CACNA1I: variants seen among roughly 807,000 people sequenced by gnomAD.
CACNA1I encodes calcium voltage-gated channel subunit alpha1 I, also known as voltage-dependent T-type calcium channel subunit alpha-1I.
Under a neutral mutation model 201.6 loss-of-function variants are expected in CACNA1I, and 74 were observed. The observed-to-expected ratio is 0.37, with a 90% CI of 0.30 to 0.45. The LOEUF (loss-of-function observed/expected upper bound fraction) is 0.45. CACNA1I is among the 20% of genes least tolerant of loss of function. The probability of loss-of-function intolerance (pLI) is 1.00; values close to 1 mark genes in which losing one functional copy is unlikely to be tolerated. For missense variants in CACNA1I, 2,346 were observed against 3,138.1 expected, an observed-to-expected ratio of 0.75 and a Z score of 6.03; for synonymous variants, 1,431 against 1,345.2, an observed-to-expected ratio of 1.06 and a Z score of -1.40.
At chr22:39,612,084 C>A (rs190063773) in intron 3 of CACNA1I, among the ~76,000 whole-genome samples, 16 of 152,276 alleles carry the variant, frequency 1.1e-4, no homozygotes, top group Admixed American at 5.9e-4. Flanking sequence ...TAAGAAGTGA[C>A]CAGGTCATGA....
At chr22:39,674,690 G>C (rs781541573) in intron 29 of CACNA1I, among the ~76,000 whole-genome samples, 4 of 152,030 alleles carry the variant, frequency 2.6e-5, no homozygotes, top group Non-Finnish European at 5.9e-5. Context: ...ACTGCTTGAG[G>C]CTCCCCTTCC....
chr22:39,589,638 AC>A (rs1731136383), intron 1 of CACNA1I, among the ~76,000 whole-genome samples: 1 of 152,198 alleles, frequency 6.6e-6, no homozygotes, highest in Non-Finnish European at 1.5e-5. Context: ...GGCCACGTAT[AC>A]AGCAGGTGGT....
chr22:39,653,501 G>A (rs531070367), intron 10 of CACNA1I, among the ~76,000 whole-genome samples: 1 of 152,296 alleles, frequency 6.6e-6, no homozygotes, highest in African/African-American at 2.4e-5. Flanking sequence ...AGAGAGAGGT[G>A]GCCCAGGGCT....
intron 1 of CACNA1I, among the ~76,000 whole-genome samples, chr22:39,595,009 G>A (rs1299930038): frequency 5.3e-5 from 8 of 152,194 alleles, no homozygotes; most frequent in East Asian, 1.9e-4. Flanking sequence ...GAACAATCAC[G>A]CCAGGCGCGG....
chr22:39,626,069 G>A (rs1191537595), intron 4 of CACNA1I, among the ~76,000 whole-genome samples: 1 of 152,158 alleles, frequency 6.6e-6, no homozygotes, highest in Non-Finnish European at 1.5e-5. Flanking sequence ...CACAGTCCCT[G>A]ACAATGCTGT....
rs1170232582 is a variant in CACNA1I at position 39,679,346 on chromosome 22, T to A, written c.5295T>A (p.Pro1765=). The A allele has an allele frequency of 2.6e-6, 4 of 1,542,278 alleles. No homozygotes were observed. The highest frequency in any genetic ancestry group is 3.5e-6 in the Non-Finnish European group (4 of 1,144,658). ...GCCTGGGCCCTGGCCCGAGGCTGCC[T>A]ACCGGCTCCCCGGGCGCCCCTGGCC... ...AHGLGPGPRL[P]TGSPGAPGRG... Residue 1765 remains proline (P), a synonymous_variant, in exon 32 of 37, where the codon CCT becomes CCA. Coordinates refer to ENST00000402142, the MANE Select transcript of CACNA1I (RefSeq NM_021096.4).
At chr22:39,674,578 T>G (rs1441327240) in intron 29 of CACNA1I, among the ~76,000 whole-genome samples, 1 of 152,180 alleles carries the variant, frequency 6.6e-6, no homozygotes, top group African/African-American at 2.4e-5. Context: ...ACCCGCACCC[T>G]GCGGTTAGTG....
intron 10 of CACNA1I, chr22:39,656,471 T>A: frequency 3.9e-6 from 2 of 517,256 alleles, no homozygotes; most frequent in Non-Finnish European, 7.7e-6. Flanking sequence ...CCCCCCACTT[T>A]CCTGGCGTCA....
intron 18 of CACNA1I, 61 bp downstream of exon 18, chr22:39,662,937 T>G: frequency 8.6e-7 from 1 of 1,156,336 alleles, no homozygotes; most frequent in Non-Finnish European, 1.3e-6. Context: ...GGGACGGATC[T>G]CTGCCAAGCC....
chr22:39,682,796 T>A (rs1935745069), intron 35 of CACNA1I, 135 bp downstream of exon 35: 1 of 701,006 alleles, frequency 1.4e-6, no homozygotes, highest in Middle Eastern at 3.2e-4. Flanking sequence ...CAGATGGATA[T>A]CTGACAATGA....
intron 1 of CACNA1I, among the ~76,000 whole-genome samples, chr22:39,578,084 G>T (rs553538347): frequency 1.3e-5 from 2 of 152,330 alleles, no homozygotes; most frequent in South Asian, 4.1e-4. Context: ...GACGCCTAGG[G>T]CTTGGCCAGG....
In CACNA1I at chr22:39,659,249, C is replaced by T. The variant is rs914295864; in HGVS notation, c.2330+133C>T. ...GGGTGTGAAGCCTGACACTGTTCCT[C>T]AGTCCCCTGTGGCTTTCAGCAAGCA... On this transcript the variant is annotated intron_variant, in intron 12 of 36. Coordinates refer to ENST00000402142, the MANE Select transcript of CACNA1I (RefSeq NM_021096.4). This position sits in a 1 kb window ranked among gnomAD's most constrained non-coding sequence, Gnocchi z 4.3. 3.5e-6 allele frequency: 4 copies of T among 1,138,192 alleles called. No homozygotes were observed. The highest frequency in any genetic ancestry group is 5.0e-6 in the Non-Finnish European group (4 of 795,970). 70.5% of individuals were successfully genotyped at this position (1,138,192 alleles called of 1,614,324 possible).
At chr22:39,596,150 GA>G (rs1401225374) in intron 1 of CACNA1I, among the ~76,000 whole-genome samples, 32 of 69,948 alleles carry the variant, frequency 4.6e-4, no homozygotes, top group Middle Eastern at 0.011. Context: ...AGAGATGGGG[GA>G]GCAGGGTGGA....
rs1240812708 is a variant in CACNA1I at position 39,686,006 on chromosome 22, C to T, written c.6273C>T (p.Gly2091=). The T allele has an allele frequency of 8.0e-7, 1 of 1,244,262 alleles. No individual in the cohort carries two copies. Among genetic ancestry groups the T allele is most frequent in the Non-Finnish European group, 1.0e-6 (1 of 999,088 alleles). The allele number at this position is 1,244,262 out of a possible 1,614,324, so 77.1% of individuals were successfully genotyped here. A position where few individuals can be genotyped will look rare whatever the true frequency, so the allele number is the denominator to read the frequency against. The change falls in exon 37 of 37, where the codon GGC becomes GGT. Residue 2091 remains glycine, a synonymous_variant. Transcript: ENST00000402142. ...ATCAGCGCAGCCACAGCAGCGGGGG[C>T]TCCACCAGCCCGGGCTGCACCCACC... ...RAHQRSHSSG[G]STSPGCTHHD...
At chr22:39,642,667 T>G in intron 6 of CACNA1I, 130 bp from the exon 7 acceptor site, 2 of 656,836 alleles carry the variant, frequency 3.0e-6, no homozygotes, top group Non-Finnish European at 5.5e-6. Flanking sequence ...CCAGCCCCTG[T>G]GAGACAGACT....
At chr22:39,627,619 G>A (rs1019727277) in intron 4 of CACNA1I, among the ~76,000 whole-genome samples, 1 of 152,254 alleles carries the variant, frequency 6.6e-6, no homozygotes, top group Non-Finnish European at 1.5e-5. Context: ...AAGGGCCTTG[G>A]GGGGCATTTG....
intron 1 of CACNA1I, among the ~76,000 whole-genome samples, chr22:39,596,697 T>C (rs1017173685): frequency 6.6e-6 from 1 of 151,330 alleles, no homozygotes; most frequent in Non-Finnish European, 1.5e-5. Context: ...TGCCCACTGC[T>C]GCTGCAGGAA....
At chr22:39,644,530 A>T (rs1934428213) in intron 7 of CACNA1I, among the ~76,000 whole-genome samples, 1 of 152,170 alleles carries the variant, frequency 6.6e-6, no homozygotes, top group African/African-American at 2.4e-5. Flanking sequence ...GAGTTTTTTC[A>T]GACACTGGGA....
intron 1 of CACNA1I, 134 bp from the exon 2 acceptor site, chr22:39,598,017 C>T: frequency 4.7e-6 from 3 of 642,926 alleles, no homozygotes; most frequent in Non-Finnish European, 8.6e-6. Context: ...TCAGGGATGG[C>T]ACCCAGAGGG....
Sources: allele counts gnomAD v4.1 joint callset (sites outside exome capture counted in the v4.1 genomes callset), GRCh38; gene constraint gnomAD v4.1.1; non-coding constraint Gnocchi (gnomAD v3.1); transcripts MANE v1.5; gene names NCBI Gene and HGNC (gene_info 2026-07-23, HGNC 2026-07-21).